GRIN2B: variants seen among roughly 807,000 people sequenced by gnomAD.
GRIN2B encodes glutamate receptor ionotropic, NMDA 2B.
GRIN2B carries 5 observed loss-of-function variants against 114.5 expected under a neutral mutation model. The ratio of observed to expected loss-of-function variants is 0.04; its 90% CI spans 0.02 to 0.09. The LOEUF is 0.09. GRIN2B is among the 10% of genes least tolerant of loss of function. The pLI is 1.00. For missense variants in GRIN2B, 1,108 were observed against 1,943.5 expected (o/e 0.57, Z 8.08); for synonymous variants, 787 against 745.1 (o/e 1.06, Z -0.92).
intron 2 of GRIN2B, among the ~76,000 whole-genome samples, chr12:13,949,020 T>C (rs219922): frequency 0.54 from 82,102 of 152,038 alleles, 23,071 homozygotes; most frequent in East Asian, 0.95. Context: ...ACTTTCCCTG[T>C]ATCACAAGTC....
chr12:13,602,452 G>A (rs1028222827), intron 10 of GRIN2B, among the ~76,000 whole-genome samples: 5 of 152,212 alleles, frequency 3.3e-5, no homozygotes, highest in African/African-American at 7.2e-5. Flanking sequence ...CGGGCTGGAG[G>A]TTGGCTGTCT....
At position 13,621,599 on chromosome 12, in the gene GRIN2B, A is replaced by T. The variant is rs1319117613; in HGVS notation, c.1126-4942T>A. Among the ~76,000 whole-genome samples, 9 of 134,482 alleles carry T rather than the reference A, an allele frequency of 6.7e-5. No homozygotes were observed. The South Asian group carries it at 2.2e-3, about 33-fold the overall frequency. The allele number at this position is 134,482 out of a possible 152,430, so 88.2% of individuals were successfully genotyped here. A position where few individuals can be genotyped will look rare whatever the true frequency, so the allele number is the denominator to read the frequency against. On this transcript the variant is annotated intron_variant, in intron 5 of 13. Transcript: ENST00000609686. ...TCATCTTTTTCAAGAGAAAAAAAAA[A>T]TTGCCTAGTTTTTGTTTTTTTTTTT... is the stretch of plus-strand genomic sequence containing the variant.
At chr12:13,893,176 A>G (rs1866292494) in intron 2 of GRIN2B, among the ~76,000 whole-genome samples, 2 of 152,196 alleles carry the variant, frequency 1.3e-5, no homozygotes, top group South Asian at 4.1e-4. Flanking sequence ...CTAAACAGCC[A>G]TATTTTAGAA....
At chr12:13,742,873 G>A (rs187964604) in intron 4 of GRIN2B, among the ~76,000 whole-genome samples, 1 of 152,182 alleles carries the variant, frequency 6.6e-6, no homozygotes, top group Non-Finnish European at 1.5e-5. Flanking sequence ...GAACTTCAGG[G>A]GAATTTCCTA....
intron 3 of GRIN2B, among the ~76,000 whole-genome samples, chr12:13,764,218 G>A (rs773864030): frequency 4.0e-5 from 6 of 149,512 alleles, no homozygotes; most frequent in East Asian, 2.0e-4. Flanking sequence ...AGTTTAGAAC[G>A]TACAGAATGC....
At chr12:13,771,401 C>T (rs148420211) in intron 3 of GRIN2B, among the ~76,000 whole-genome samples, 4 of 152,144 alleles carry the variant, frequency 2.6e-5, no homozygotes, top group Admixed American at 2.6e-4. Flanking sequence ...TAAACCTACA[C>T]AGTTTTACAA....
chr12:13,872,615 A>G (rs900814096), intron 2 of GRIN2B, among the ~76,000 whole-genome samples: 13 of 152,234 alleles, frequency 8.5e-5, no homozygotes, highest in African/African-American at 3.1e-4. Context: ...TAAATGAGAT[A>G]TTTACATGAA....
intron 5 of GRIN2B, among the ~76,000 whole-genome samples, chr12:13,664,670 CT>C (rs1322899864): frequency 6.6e-6 from 1 of 152,102 alleles, no homozygotes; most frequent in African/African-American, 2.4e-5. Context: ...TTTATTCCTA[CT>C]TTTTCTTTCT....
At chr12:13,601,559 C>A (rs1949161785) in intron 10 of GRIN2B, among the ~76,000 whole-genome samples, 1 of 148,924 alleles carries the variant, frequency 6.7e-6, no homozygotes, top group African/African-American at 2.5e-5. Context: ...TTTGTAGGTT[C>A]TAGGGGTTAG....
intron 3 of GRIN2B, among the ~76,000 whole-genome samples, chr12:13,778,138 G>C (rs560838319): frequency 3.3e-5 from 5 of 152,066 alleles, no homozygotes; most frequent in Non-Finnish European, 7.4e-5. Context: ...CCTCTGACCC[G>C]CTCCTTTCTT....
intron 10 of GRIN2B, among the ~76,000 whole-genome samples, chr12:13,573,902 C>G (rs1268104205): frequency 6.6e-6 from 1 of 152,162 alleles, no homozygotes; most frequent in East Asian, 1.9e-4. Flanking sequence ...CTGTGATGCA[C>G]CAAACAACTA....
chr12:13,667,963 T>C (rs572223618), intron 5 of GRIN2B, among the ~76,000 whole-genome samples: 1 of 152,316 alleles, frequency 6.6e-6, no homozygotes, highest in East Asian at 1.9e-4. Flanking sequence ...CTCATCTCTC[T>C]ACCACTCTTT....
chr12:13,597,042 C>A (rs187085897), intron 10 of GRIN2B, among the ~76,000 whole-genome samples: 3 of 152,340 alleles, frequency 2.0e-5, no homozygotes, highest in African/African-American at 7.2e-5. Flanking sequence ...GGTCAGCTCT[C>A]TGGATCAAAT....
chr12:13,909,056 C>T (rs1375423079), intron 2 of GRIN2B, among the ~76,000 whole-genome samples: 2 of 152,002 alleles, frequency 1.3e-5, no homozygotes, highest in African/African-American at 4.8e-5. Context: ...AACGCAGGCT[C>T]CAAAAAAATG....
At chr12:13,579,887 G>A (rs2193147) in intron 10 of GRIN2B, among the ~76,000 whole-genome samples, 41,594 of 152,204 alleles carry the variant, frequency 0.27, 7,328 homozygotes, top group Middle Eastern at 0.49. Context: ...GAAGGAGGCT[G>A]AATTGAAGCT....
At position 13,856,063 on chromosome 12, in the gene GRIN2B, A is replaced by G. The variant is rs143038884; in HGVS notation, c.411+9735T>C. 2.2e-3 allele frequency among the ~76,000 whole-genome samples: 338 copies of G among 152,344 alleles called. 3 individuals carry two copies. The highest frequency in any genetic ancestry group is 7.7e-3 in the African/African-American group (322 of 41,586). On this transcript the variant is annotated intron_variant, in intron 3 of 13. Coordinates refer to ENST00000609686, the MANE Select transcript of GRIN2B (RefSeq NM_000834.5). Reference sequence around the variant, plus strand: ...GAGGGCACAGGTGACGCACAAGAAAAGAAATGCCAAATTCTGTGAAGGTGG... The same window carrying G: ...GAGGGCACAGGTGACGCACAAGAAAGGAAATGCCAAATTCTGTGAAGGTGG...
intron 5 of GRIN2B, among the ~76,000 whole-genome samples, chr12:13,657,447 C>A (rs988020207): frequency 6.6e-6 from 1 of 152,150 alleles, no homozygotes; most frequent in Non-Finnish European, 1.5e-5. Flanking sequence ...CCCAGGAGGG[C>A]AGTGCTTGCT....
chr12:13,738,165 A>G (rs919469733), intron 4 of GRIN2B, among the ~76,000 whole-genome samples: 7 of 152,124 alleles, frequency 4.6e-5, no homozygotes, highest in African/African-American at 1.7e-4. Flanking sequence ...TCTTATTCTA[A>G]ACACTGCTTT....
chr12:13,894,957 T>G (rs924234577), intron 2 of GRIN2B, among the ~76,000 whole-genome samples: 1 of 152,184 alleles, frequency 6.6e-6, no homozygotes, highest in Non-Finnish European at 1.5e-5. Flanking sequence ...AAAGAATCAT[T>G]TCTGTAAAGT....
Sources: gnomAD v4.1 joint callset for allele counts (sites outside exome capture counted in the v4.1 genomes callset) on GRCh38, gnomAD v4.1.1 for gene constraint, MANE v1.5 for transcripts, NCBI Gene and HGNC (gene_info 2026-07-23, HGNC 2026-07-21) for gene names.